Variants in C1QTNF3 observed in about 807,000 individuals in gnomAD.
C1QTNF3 encodes C1q and TNF related 3.
A neutral mutation model predicts 32.6 loss-of-function variants in C1QTNF3; 26 were observed. That is an observed-to-expected ratio of 0.80 (90% CI 0.58 to 1.11). The LOEUF is 1.11. Among genes scored for constraint, C1QTNF3 ranks in the 50% least tolerant of loss-of-function variants. The pLI, the probability that C1QTNF3 is intolerant of heterozygous loss-of-function variation, is 0.00. For synonymous variants in C1QTNF3, 155 were observed against 146.0 expected (o/e 1.06, Z -0.44); for missense variants, 362 against 398.2 (o/e 0.91, Z 0.77).
the C1QTNF3 span, among the ~76,000 whole-genome samples, chr5:34,213,759 ACACACACACACATACGTG>A: frequency 0.04 from 4,647 of 117,464 alleles, 190 homozygotes; most frequent in Non-Finnish European, 0.066. Context: ...ATATATATAT[ACACACACACACATACGTG>A]TATATATACA....
chr5:34,168,801 T>C, the C1QTNF3 span: 1 of 152,192 alleles, frequency 6.6e-6, no homozygotes, highest in Non-Finnish European at 1.5e-5. Context: ...AAGTAAAATA[T>C]AACTTTATTA....
At chr5:34,116,152 GA>G in the C1QTNF3 span, among the ~76,000 whole-genome samples, 1 of 152,190 alleles carries the variant, frequency 6.6e-6, no homozygotes, top group African/African-American at 2.4e-5. Flanking sequence ...TCTGTTGTTT[GA>G]TAGCTGCATA....
At chr5:34,115,743 A>AC in the C1QTNF3 span, among the ~76,000 whole-genome samples, 88 of 151,680 alleles carry the variant, frequency 5.8e-4, no homozygotes, top group African/African-American at 1.9e-3. Flanking sequence ...AAAAAAAAAA[A>AC]AAAAACTTTC....
the C1QTNF3 span, among the ~76,000 whole-genome samples, chr5:34,177,459 G>GGCAA: frequency 6.6e-6 from 1 of 151,044 alleles, no homozygotes; most frequent in Non-Finnish European, 1.5e-5. Context: ...TGGGACTAGA[G>GGCAA]GCAAGCACGA....
At chr5:34,241,951 GGGAAGGAAGGAAGGAAGGAAGGAA>G in the C1QTNF3 span, among the ~76,000 whole-genome samples, 50 of 90,206 alleles carry the variant, frequency 5.5e-4, no homozygotes, top group African/African-American at 1.7e-3. Context: ...AAGGGAGGGA[GGGAAGGAAGGAAGGAAGGAAGGAA>G]GGAAGGAAGG....
the C1QTNF3 span, among the ~76,000 whole-genome samples, chr5:34,085,036 G>C: frequency 4.2e-4 from 56 of 132,934 alleles, 1 homozygote; most frequent in Admixed American, 4.2e-3. Flanking sequence ...TGTCGCCCAG[G>C]CTGGAGTACA....
intron 1 of C1QTNF3, among the ~76,000 whole-genome samples, chr5:34,039,533 T>C (rs1754817944): frequency 6.6e-6 from 1 of 152,210 alleles, no homozygotes; most frequent in South Asian, 2.1e-4. Flanking sequence ...AGAGGAACTT[T>C]GTAATTTACT....
the C1QTNF3 span, among the ~76,000 whole-genome samples, chr5:34,204,525 T>C: frequency 4.6e-5 from 7 of 152,208 alleles, no homozygotes; most frequent in Non-Finnish European, 7.4e-5. Context: ...CACTTATAAC[T>C]GGAAGCTAAA....
the C1QTNF3 span, among the ~76,000 whole-genome samples, chr5:34,048,972 T>C: frequency 6.6e-6 from 1 of 152,210 alleles, no homozygotes; most frequent in Admixed American, 6.5e-5. Flanking sequence ...TTTTGTAAAT[T>C]TTATTCAGAT....
At chr5:34,238,674 T>C in the C1QTNF3 span, among the ~76,000 whole-genome samples, 1 of 151,966 alleles carries the variant, frequency 6.6e-6, no homozygotes, top group Non-Finnish European at 1.5e-5. Flanking sequence ...TTGTCATTCC[T>C]AGAAGAGAAA....
At chr5:34,026,732 T>C (rs1003449817) in intron 4 of C1QTNF3, among the ~76,000 whole-genome samples, 1 of 151,848 alleles carries the variant, frequency 6.6e-6, no homozygotes, top group African/African-American at 2.4e-5. Context: ...ATACGGCTGG[T>C]CTAGGAAAAT....
intron 5 of C1QTNF3, among the ~76,000 whole-genome samples, chr5:34,023,538 G>A (rs946516066): frequency 6.6e-5 from 10 of 152,142 alleles, no homozygotes; most frequent in African/African-American, 1.7e-4. Context: ...GAAAGGTGTC[G>A]GCTCTCTGCC....
At chr5:34,157,855 A>G in the C1QTNF3 span, among the ~76,000 whole-genome samples, 1 of 152,184 alleles carries the variant, frequency 6.6e-6, no homozygotes, top group African/African-American at 2.4e-5. Flanking sequence ...TAAGACGATG[A>G]ACTTTTCTCG....
At chr5:34,074,681 G>A in the C1QTNF3 span, among the ~76,000 whole-genome samples, 1 of 151,586 alleles carries the variant, frequency 6.6e-6, no homozygotes, top group African/African-American at 2.4e-5. Context: ...CCACATGCTG[G>A]ACATTCTTTC....
the C1QTNF3 span, among the ~76,000 whole-genome samples, chr5:34,123,381 C>T: frequency 6.6e-6 from 1 of 152,096 alleles, no homozygotes; most frequent in Non-Finnish European, 1.5e-5. Flanking sequence ...TCTACATAAA[C>T]ATATATACAT....
At chr5:34,208,987 T>C in the C1QTNF3 span, among the ~76,000 whole-genome samples, 3 of 152,220 alleles carry the variant, frequency 2.0e-5, no homozygotes, top group African/African-American at 7.2e-5. Context: ...TTTTTACTGC[T>C]GTAGGTAGTG....
chr5:34,171,086 G>T, the C1QTNF3 span, among the ~76,000 whole-genome samples: 2 of 151,808 alleles, frequency 1.3e-5, no homozygotes, highest in African/African-American at 4.8e-5. Flanking sequence ...GTAAAGAATA[G>T]AATCTGCCAA....
chr5:34,237,732 G>A, the C1QTNF3 span, among the ~76,000 whole-genome samples: 1 of 152,104 alleles, frequency 6.6e-6, no homozygotes. Flanking sequence ...CCTGTGCAGG[G>A]AACCCAAACA....
chr5:34,069,801 C>T, the C1QTNF3 span, among the ~76,000 whole-genome samples: 1 of 152,112 alleles, frequency 6.6e-6, no homozygotes, highest in African/African-American at 2.4e-5. Context: ...TATATTCATC[C>T]ACCATTGCAC....
Sources: allele counts gnomAD v4.1 joint callset (sites outside exome capture counted in the v4.1 genomes callset), GRCh38; gene constraint gnomAD v4.1.1; transcripts MANE v1.5; gene names NCBI Gene and HGNC (gene_info 2026-07-23, HGNC 2026-07-21).